NHSL1: variants seen among roughly 807,000 people sequenced by gnomAD.
NHSL1 encodes the protein NHS-like protein 1.
In NHSL1, 48 loss-of-function variants were observed where a neutral mutation model predicts 95.0. The observed-to-expected ratio is 0.51, with a 90% CI of 0.40 to 0.64. NHSL1 has a LOEUF of 0.64. Among genes scored for constraint, NHSL1 ranks in the 30% least tolerant of loss-of-function variants. The pLI, the probability that NHSL1 is intolerant of heterozygous loss-of-function variation, is 0.00. For missense variants in NHSL1, 1,971 were observed against 2,077.7 expected (o/e 0.95, Z 1.00); for synonymous variants, 783 against 833.9 (o/e 0.94, Z 1.05).
chr6:138,596,901 T>G (rs1460113340), intron 1 of NHSL1, among the ~76,000 whole-genome samples: 1 of 152,066 alleles, frequency 6.6e-6, no homozygotes, highest in Non-Finnish European at 1.5e-5. Flanking sequence ...CAAGCAGAGT[T>G]TGAAGTGCTC....
At chr6:138,515,180 C>A (rs924701249) in intron 1 of NHSL1, among the ~76,000 whole-genome samples, 3 of 152,120 alleles carry the variant, frequency 2.0e-5, no homozygotes, top group Non-Finnish European at 4.4e-5. Flanking sequence ...CTAAAATTTT[C>A]TACTTAATAT....
At chr6:138,532,869 G>A (rs1446828391) in intron 1 of NHSL1, among the ~76,000 whole-genome samples, 1 of 152,120 alleles carries the variant, frequency 6.6e-6, no homozygotes, top group Admixed American at 6.5e-5. Flanking sequence ...ACATTAAAAT[G>A]ATGAGCCCAC....
chr6:138,426,990 G>A (rs1174905366), intron 7 of NHSL1, among the ~76,000 whole-genome samples: 6 of 152,198 alleles, frequency 3.9e-5, no homozygotes, highest in Non-Finnish European at 8.8e-5. Context: ...AAAGGTAACT[G>A]AGAAAAGGTA....
chr6:138,674,784 G>A (rs1407151129), intron 1 of NHSL1, among the ~76,000 whole-genome samples: 2 of 152,064 alleles, frequency 1.3e-5, no homozygotes, highest in African/African-American at 2.4e-5. Context: ...GAACATATGC[G>A]TGCATGTATA....
intron 1 of NHSL1, among the ~76,000 whole-genome samples, chr6:138,505,374 G>A (rs1403728098): frequency 1.3e-5 from 2 of 152,032 alleles, no homozygotes; most frequent in Non-Finnish European, 2.9e-5. Context: ...ATGAAACAGG[G>A]GCTGGGCATG....
chr6:138,639,265 A>G (rs1346929119), intron 1 of NHSL1, among the ~76,000 whole-genome samples: 1 of 152,224 alleles, frequency 6.6e-6, no homozygotes, highest in Non-Finnish European at 1.5e-5. Flanking sequence ...AAACTTGAGA[A>G]TTTGGTATAA....
At chr6:138,553,390 C>G (rs1783081442) in intron 1 of NHSL1, among the ~76,000 whole-genome samples, 1 of 152,202 alleles carries the variant, frequency 6.6e-6, no homozygotes, top group Admixed American at 6.5e-5. Flanking sequence ...CAAGCTTGCA[C>G]CATGTCCCAT....
chr6:138,484,784 AG>A (rs1779623321), intron 2 of NHSL1, among the ~76,000 whole-genome samples: 2 of 152,368 alleles, frequency 1.3e-5, no homozygotes, highest in African/African-American at 4.8e-5. Flanking sequence ...AAAAACCTTA[AG>A]GAGTTAAACA....
intron 3 of NHSL1, among the ~76,000 whole-genome samples, chr6:138,449,062 A>G (rs1288501200): frequency 1.3e-5 from 2 of 152,044 alleles, no homozygotes; most frequent in Non-Finnish European, 2.9e-5. Flanking sequence ...CAAAAAAAAA[A>G]AAAAAAAAAA....
intron 1 of NHSL1, among the ~76,000 whole-genome samples, chr6:138,530,548 T>C (rs912735839): frequency 1.3e-5 from 2 of 151,654 alleles, no homozygotes; most frequent in Non-Finnish European, 2.9e-5. Context: ...AACTGAAGAG[T>C]GGATAAAGAA....
chr6:138,643,959 C>T (rs1015105915), intron 1 of NHSL1, among the ~76,000 whole-genome samples: 4 of 150,408 alleles, frequency 2.7e-5, no homozygotes, highest in African/African-American at 9.8e-5. Flanking sequence ...GACTGTGCCA[C>T]TGCACTCCAC....
At chr6:138,492,473 C>T (rs1438704042) in intron 2 of NHSL1, among the ~76,000 whole-genome samples, 2 of 152,224 alleles carry the variant, frequency 1.3e-5, no homozygotes, top group Non-Finnish European at 2.9e-5. Flanking sequence ...TTCATTTAAA[C>T]ACTCCTGGCA....
At chr6:138,633,183 A>C (rs1404267286) in intron 1 of NHSL1, among the ~76,000 whole-genome samples, 3 of 152,202 alleles carry the variant, frequency 2.0e-5, no homozygotes, top group Admixed American at 2.0e-4. Context: ...ACAATGAAGC[A>C]TGCCTACAGG....
At chr6:138,569,144 C>T (rs918475008) in intron 1 of NHSL1, among the ~76,000 whole-genome samples, 4 of 152,082 alleles carry the variant, frequency 2.6e-5, no homozygotes, top group African/African-American at 4.8e-5. Flanking sequence ...ACCGGACCCC[C>T]GCCAACCAGA....
rs950876359 is a variant in NHSL1, at chr6:138,464,126, T to C, written c.339+9180A>G. 5.5e-6 allele frequency: 3 copies of C among 543,544 alleles called. No individual in the cohort carries two copies. In the Admixed American group the frequency reaches 7.6e-5, roughly 14 times the overall value. The allele number at this position is 543,544 out of a possible 1,614,324, so 33.7% of individuals were successfully genotyped here. A position where few individuals can be genotyped will look rare whatever the true frequency, so the allele number is the denominator to read the frequency against. ...GTGTTCAGCTATCCTCACCGCTATC[T>C]GGTCCTCGATCTCACTCCGTTGTTT... On this transcript the variant is annotated intron_variant, in intron 3 of 7. Transcript: ENST00000343505.
chr6:138,530,589 T>C (rs1782092878), intron 1 of NHSL1, among the ~76,000 whole-genome samples: 3 of 152,204 alleles, frequency 2.0e-5, no homozygotes, highest in African/African-American at 7.2e-5. Flanking sequence ...CATAGAATAC[T>C]ACTCAGCCAT....
chr6:138,509,265 C>A (rs1287246930), intron 1 of NHSL1, among the ~76,000 whole-genome samples: 1 of 152,128 alleles, frequency 6.6e-6, no homozygotes, highest in Non-Finnish European at 1.5e-5. Flanking sequence ...ATTGATGCAA[C>A]CTTTCTTCTA....
rs146306409 is a variant in NHSL1 at position 138,638,997 on chromosome 6, TTTC to T, written c.96+53476_96+53478del. ...TGCCCAAAGGGGATGGTAAAATACT[TTTC>T]TTCTTTTTTTGTACCATCTGTTTTA... is the stretch of plus-strand genomic sequence containing the variant. On this transcript the variant is annotated intron_variant, in intron 1 of 3. Transcript: ENST00000491526. 2.3e-3 allele frequency among the ~76,000 whole-genome samples: 343 copies of T among 152,340 alleles called. 1 individual carries two copies. The highest frequency in any genetic ancestry group is 7.6e-3 in the African/African-American group (318 of 41,572).
upstream of NHSL1, among the ~76,000 whole-genome samples, chr6:138,549,042 G>A (rs1208468687): frequency 6.6e-6 from 1 of 151,962 alleles, no homozygotes; most frequent in Non-Finnish European, 1.5e-5. Flanking sequence ...AAGATGAGAT[G>A]ATACTGCATT....
Sources: gnomAD v4.1 joint callset for allele counts (sites outside exome capture counted in the v4.1 genomes callset) on GRCh38, gnomAD v4.1.1 for gene constraint, MANE v1.5 for transcripts, NCBI Gene and HGNC (gene_info 2026-07-23, HGNC 2026-07-21) for gene names.